Variants in XPO6 observed in about 807,000 individuals in gnomAD.
The protein encoded by XPO6 is exportin-6.
XPO6 carries 3 observed loss-of-function variants against 130.0 expected under a neutral mutation model. The ratio of observed to expected loss-of-function variants is 0.02; its 90% CI spans 0.01 to 0.06. The LOEUF is 0.06. XPO6 is among the 10% of genes least tolerant of loss of function. XPO6 has a pLI of 1.00. For synonymous variants in XPO6, 524 were observed against 548.9 expected (o/e 0.95, Z 0.63); for missense variants, 970 against 1,393.0 (o/e 0.70, Z 4.83).
At chr16:28,184,278 T>C (rs1483632610) in intron 1 of XPO6, among the ~76,000 whole-genome samples, 3 of 152,170 alleles carry the variant, frequency 2.0e-5, no homozygotes, top group Non-Finnish European at 4.4e-5. Context: ...GCCTCCTACC[T>C]TGTGCTTGGG....
rs1374896238 is a variant in XPO6 at position 28,211,376 on chromosome 16, G to C, written c.-8C>G. The C allele has an allele frequency of 2.3e-6, 3 of 1,312,416 alleles. No individual in the cohort carries two copies. The African/African-American group carries it at 4.5e-5, about 20-fold the overall frequency. 81.3% of individuals were successfully genotyped at this position (1,312,416 alleles called of 1,614,324 possible). On this transcript the variant is annotated 5_prime_UTR_variant, in exon 1 of 24. Coordinates refer to ENST00000304658, the MANE Select transcript of XPO6 (RefSeq NM_015171.4). ...TCCAATTCCACTTACCATGCTGGCC[G>C]GGGAGGGGGCGGCTCAGATGAGCTG...
At chr16:28,156,620 G>A (rs1567628260) in intron 6 of XPO6, 93 bp from the exon 7 acceptor site, 7 of 730,854 alleles carry the variant, frequency 9.6e-6, no homozygotes, top group South Asian at 3.2e-5. Context: ...ATATATATAT[G>A]TATACATATA....
chr16:28,189,257 T>TA (rs34353034), intron 1 of XPO6, among the ~76,000 whole-genome samples: 76,412 of 134,586 alleles, frequency 0.57, 23,393 homozygotes, highest in South Asian at 0.72. Context: ...ACACTTCCTT[T>TA]AAAAAAAAAA....
chr16:28,181,919 G>A (rs924275587), intron 1 of XPO6, among the ~76,000 whole-genome samples: 3 of 152,002 alleles, frequency 2.0e-5, no homozygotes, highest in Non-Finnish European at 2.9e-5. Flanking sequence ...TCCCTTTGGG[G>A]TTCATATGGA....
chr16:28,200,283 T>C (rs1038895630), intron 1 of XPO6, among the ~76,000 whole-genome samples: 1 of 152,192 alleles, frequency 6.6e-6, no homozygotes, highest in African/African-American at 2.4e-5. Context: ...CAGGGAGCCC[T>C]AGACCAGAGA....
intron 7 of XPO6, chr16:28,153,376 G>GC: frequency 2.0e-6 from 2 of 985,192 alleles, no homozygotes; most frequent in Non-Finnish European, 2.4e-6. Context: ...AAGCCTCAGG[G>GC]ACTTTAGTCT....
At chr16:28,174,200 T>C (rs1292731718) in intron 4 of XPO6, among the ~76,000 whole-genome samples, 1 of 152,106 alleles carries the variant, frequency 6.6e-6, no homozygotes, top group Non-Finnish European at 1.5e-5. Flanking sequence ...CTGCTTGCCA[T>C]TCCTCAGGTC....
chr16:28,109,486 G>A (rs1057514531), intron 17 of XPO6, among the ~76,000 whole-genome samples: 2 of 151,906 alleles, frequency 1.3e-5, no homozygotes, highest in African/African-American at 4.8e-5. Context: ...CTCCCAACAG[G>A]CATCCAGACT....
At chr16:28,172,437 C>T (rs1437307179) in intron 4 of XPO6, among the ~76,000 whole-genome samples, 1 of 152,134 alleles carries the variant, frequency 6.6e-6, no homozygotes, top group African/African-American at 2.4e-5. Context: ...ATGCTGCTTG[C>T]CCCTTAAGTC....
intron 13 of XPO6, among the ~76,000 whole-genome samples, chr16:28,125,024 A>G (rs1352334981): frequency 1.3e-5 from 2 of 152,122 alleles, no homozygotes; most frequent in African/African-American, 4.8e-5. Context: ...TCGAGGGGAG[A>G]AAGGGAGGAG....
chr16:28,109,635 C>A (rs997855952), intron 17 of XPO6, among the ~76,000 whole-genome samples: 1 of 152,106 alleles, frequency 6.6e-6, no homozygotes, highest in South Asian at 2.1e-4. Flanking sequence ...CAGGCCTGGA[C>A]GCTTCAAAAA....
At chr16:28,154,316 T>C (rs890727737) in intron 7 of XPO6, 2 of 975,090 alleles carry the variant, frequency 2.1e-6, no homozygotes. Flanking sequence ...CAATTTTACT[T>C]TAGTATCTAA....
In XPO6 at chr16:28,122,031, C is replaced by T. The variant is rs541866361; in HGVS notation, c.1767-269G>A. Reference sequence around the variant, plus strand: ...CCAACCCAGAGGAGGTAATACAATGCAATATATACAATAAAAACCATGCTT... The same window carrying T: ...CCAACCCAGAGGAGGTAATACAATGTAATATATACAATAAAAACCATGCTT... On this transcript the variant is annotated intron_variant, in intron 13 of 23. Coordinates refer to ENST00000304658, the MANE Select transcript of XPO6 (RefSeq NM_015171.4). 2.7e-4 allele frequency among the ~76,000 whole-genome samples: 41 copies of T among 151,814 alleles called. No homozygotes were observed. The South Asian group carries it at 8.3e-3, about 31-fold the overall frequency.
chr16:28,170,287 G>A (rs961765820), intron 4 of XPO6, among the ~76,000 whole-genome samples: 2 of 148,312 alleles, frequency 1.3e-5, no homozygotes, highest in African/African-American at 5.1e-5. Flanking sequence ...AGCCGAGATC[G>A]TGCCATTGCA....
chr16:28,139,040 G>A (rs896874656), intron 9 of XPO6, among the ~76,000 whole-genome samples: 9 of 152,288 alleles, frequency 5.9e-5, no homozygotes, highest in South Asian at 2.1e-4. Flanking sequence ...TGAATTGTGC[G>A]ACTCTTCCCC....
intron 21 of XPO6, among the ~76,000 whole-genome samples, chr16:28,102,358 C>T (rs1233394874): frequency 6.6e-6 from 1 of 152,206 alleles, no homozygotes; most frequent in Non-Finnish European, 1.5e-5. Flanking sequence ...CAGGCTCCTT[C>T]ATGGAGCCTC....
In XPO6 at chr16:28,101,737, T is replaced by C; in HGVS notation, c.3046-49A>G. On this transcript the variant is annotated intron_variant, in intron 22 of 23. Transcript: ENST00000304658. The surrounding 1 kb of genome is among the most constrained non-coding windows in gnomAD (Gnocchi z 5.4). Reference sequence around the variant, plus strand: ...GCAGCAGCCAGCCCCCAGGGGCCTGTCCCGGGTCCCATCCACTTTCTGTCA... The same window carrying C: ...GCAGCAGCCAGCCCCCAGGGGCCTGCCCCGGGTCCCATCCACTTTCTGTCA... The C allele has an allele frequency of 6.3e-7, 1 of 1,584,808 alleles. No homozygotes were observed. The highest frequency in any genetic ancestry group is 2.2e-5 in the East Asian group (1 of 44,600).
chr16:28,159,693 G>C (rs1193308304), intron 6 of XPO6, among the ~76,000 whole-genome samples: 7 of 152,226 alleles, frequency 4.6e-5, no homozygotes, highest in Non-Finnish European at 1.0e-4. Context: ...CTTTCACAAG[G>C]AAGAAGTCTC....
chr16:28,190,768 T>A (rs1652479761), intron 1 of XPO6, among the ~76,000 whole-genome samples: 1 of 152,176 alleles, frequency 6.6e-6, no homozygotes, highest in Non-Finnish European at 1.5e-5. Context: ...TTAAGAAATA[T>A]ATGATATAGG....
Sources: gnomAD v4.1 joint callset for allele counts (sites outside exome capture counted in the v4.1 genomes callset) on GRCh38, gnomAD v4.1.1 for gene constraint, Gnocchi (gnomAD v3.1) non-coding constraint, MANE v1.5 for transcripts, NCBI Gene and HGNC (gene_info 2026-07-23, HGNC 2026-07-21) for gene names.